UVRAG: variants seen among roughly 807,000 people sequenced by gnomAD.
UVRAG encodes the protein UV radiation resistance-associated gene protein.
Under a neutral mutation model 78.0 loss-of-function variants are expected in UVRAG, and 19 were observed. The observed-to-expected ratio is 0.24, with a 90% confidence interval of 0.17 to 0.36. The LOEUF is 0.36. Among genes scored for constraint, UVRAG ranks in the 10% least tolerant of loss-of-function variants. UVRAG has a pLI of 1.00. For synonymous variants in UVRAG, 323 were observed against 324.6 expected, an observed-to-expected ratio of 1.00 and a Z score of 0.05; for missense variants, 740 against 853.8, an observed-to-expected ratio of 0.87 and a Z score of 1.66.
chr11:76,003,953 A>C, intron 8 of UVRAG, 52 bp from the exon 9 acceptor site: 1 of 1,548,172 alleles, frequency 6.5e-7, no homozygotes, highest in South Asian at 1.1e-5. Flanking sequence ...TTTGGTTGTG[A>C]TTGAGTAATC....
chr11:75,953,919 A>G (rs1948749043), intron 6 of UVRAG, among the ~76,000 whole-genome samples: 1 of 152,194 alleles, frequency 6.6e-6, no homozygotes, highest in South Asian at 2.1e-4. Context: ...CCATATTACT[A>G]CATGATATAT....
intron 12 of UVRAG, among the ~76,000 whole-genome samples, chr11:76,030,987 C>T (rs573531791): frequency 1.3e-5 from 2 of 152,308 alleles, no homozygotes; most frequent in African/African-American, 4.8e-5. Flanking sequence ...TGGTGTCAGA[C>T]TTCCCTGACT....
intron 12 of UVRAG, among the ~76,000 whole-genome samples, chr11:76,029,143 A>G (rs549280228): frequency 2.3e-4 from 35 of 152,278 alleles, no homozygotes; most frequent in Admixed American, 9.2e-4. Flanking sequence ...CAAATCCTAT[A>G]TGACAGCACA....
At chr11:76,070,466 A>G (rs1469182980) in intron 13 of UVRAG, among the ~76,000 whole-genome samples, 1 of 152,046 alleles carries the variant, frequency 6.6e-6, no homozygotes, top group Non-Finnish European at 1.5e-5. Flanking sequence ...TTTATCACAC[A>G]CACCCATGAA....
At chr11:76,024,272 T>A (rs563734718) in intron 12 of UVRAG, among the ~76,000 whole-genome samples, 2 of 152,146 alleles carry the variant, frequency 1.3e-5, no homozygotes, top group Non-Finnish European at 2.9e-5. Context: ...ATGTGGGCAA[T>A]TTCAAGTAGC....
intron 12 of UVRAG, among the ~76,000 whole-genome samples, chr11:76,025,420 C>T (rs552705066): frequency 1.3e-5 from 2 of 152,180 alleles, no homozygotes; most frequent in African/African-American, 4.8e-5. Flanking sequence ...TTTTTCAAGG[C>T]CTTAAAAGAT....
chr11:76,012,508 T>C (rs1021218345), intron 11 of UVRAG, among the ~76,000 whole-genome samples: 2 of 152,150 alleles, frequency 1.3e-5, no homozygotes, highest in Non-Finnish European at 2.9e-5. Context: ...GTGACAACTT[T>C]TTAGTATTCT....
chr11:75,839,140 G>A (rs1489645773), intron 1 of UVRAG: 1 of 152,100 alleles, frequency 6.6e-6, no homozygotes, highest in African/African-American at 2.4e-5. Context: ...TTATTTTTCT[G>A]TGAATTATCT....
intron 7 of UVRAG, among the ~76,000 whole-genome samples, chr11:75,972,270 T>C (rs1949138490): frequency 6.6e-6 from 1 of 152,176 alleles, no homozygotes; most frequent in Non-Finnish European, 1.5e-5. Context: ...GCTTTTGGTG[T>C]TATGTCTAAA....
chr11:75,826,519 G>C (rs1945516319), intron 1 of UVRAG, among the ~76,000 whole-genome samples: 2 of 152,194 alleles, frequency 1.3e-5, no homozygotes. Flanking sequence ...TTTTAGGCTA[G>C]AACTGAAATG....
chr11:75,927,860 A>AT (rs1565383573), intron 6 of UVRAG, among the ~76,000 whole-genome samples: 2 of 151,908 alleles, frequency 1.3e-5, no homozygotes, highest in African/African-American at 2.4e-5. Context: ...GTAGAGTTTT[A>AT]TTTTTTTTCC....
rs553389919 is a variant in UVRAG, at chr11:76,056,179, C to T, written c.1227-9531C>T. Among the ~76,000 whole-genome samples the T allele has an allele frequency of 1.8e-4, 28 of 152,258 alleles. No individual in the cohort carries two copies. The South Asian group carries it at 5.0e-3, about 27-fold the overall frequency. On this transcript the variant is annotated intron_variant, in intron 12 of 14. Transcript: ENST00000356136. Reference sequence around the variant, plus strand: ...GTCCCCTGCTTAACCATTGTTTAACCGTAAGCATGCAGTATGAACTTCTTT... The same window carrying T: ...GTCCCCTGCTTAACCATTGTTTAACTGTAAGCATGCAGTATGAACTTCTTT...
chr11:76,002,431 C>T (rs1043243383), intron 8 of UVRAG, among the ~76,000 whole-genome samples: 1 of 152,062 alleles, frequency 6.6e-6, no homozygotes, highest in Non-Finnish European at 1.5e-5. Flanking sequence ...CTAGAGTCTT[C>T]TGAACTGAGG....
intron 14 of UVRAG, among the ~76,000 whole-genome samples, chr11:76,116,633 C>G (rs1952186087): frequency 6.6e-6 from 1 of 152,198 alleles, no homozygotes; most frequent in Non-Finnish European, 1.5e-5. Context: ...TTCACTTGAC[C>G]TAAATGGAAA....
intron 13 of UVRAG, among the ~76,000 whole-genome samples, chr11:76,110,819 C>G (rs1952055217): frequency 6.6e-6 from 1 of 151,992 alleles, no homozygotes; most frequent in Non-Finnish European, 1.5e-5. Flanking sequence ...TATTGAAAAG[C>G]TGGTTTTTTA....
Position 75,879,989 on chromosome 11 carries a change from G to T in UVRAG, c.381G>T (p.Leu127=). Residue 127 remains leucine (L), a synonymous_variant, in exon 4 of 15, where the codon CTG becomes CTT. Coordinates refer to ENST00000356136, the MANE Select transcript of UVRAG (RefSeq NM_003369.4). ...GTGGAAAGGAGAACATCTACCAGCTGTTGATTGAATGGAAAGTCTGTTTGG... is the reference window on the plus strand; with the variant it reads ...GTGGAAAGGAGAACATCTACCAGCTTTTGATTGAATGGAAAGTCTGTTTGG... ...IWGGKENIYQ[L]LIEWKVCLDG... 5 of 1,614,168 alleles carry T rather than the reference G, an allele frequency of 3.1e-6. No individual in the cohort carries two copies. Among genetic ancestry groups the T allele is most frequent in the Non-Finnish European group, 4.2e-6 (5 of 1,180,016 alleles).
chr11:75,836,952 A>G (rs1455927043), intron 1 of UVRAG, among the ~76,000 whole-genome samples: 1 of 152,156 alleles, frequency 6.6e-6, no homozygotes, highest in Non-Finnish European at 1.5e-5. Flanking sequence ...AAGCTTTTCT[A>G]AAATATAGTT....
At chr11:75,883,647 G>C (rs537236443) in intron 4 of UVRAG, among the ~76,000 whole-genome samples, 10 of 152,250 alleles carry the variant, frequency 6.6e-5, no homozygotes, top group Non-Finnish European at 1.3e-4. Context: ...AGATTTGTAG[G>C]ACAAGGTTCT....
At chr11:76,091,782 A>G (rs1447011437) in intron 13 of UVRAG, among the ~76,000 whole-genome samples, 2 of 151,216 alleles carry the variant, frequency 1.3e-5, no homozygotes, top group East Asian at 3.9e-4. Flanking sequence ...GACTTGATAT[A>G]TCATTTGTAT....
Sources: allele counts gnomAD v4.1 joint callset (sites outside exome capture counted in the v4.1 genomes callset), GRCh38; gene constraint gnomAD v4.1.1; transcripts MANE v1.5; gene names NCBI Gene and HGNC (gene_info 2026-07-23, HGNC 2026-07-21).